SLIT1: variants seen among roughly 807,000 people sequenced by gnomAD.
SLIT1 encodes slit guidance ligand 1, also known as slit homolog 1 protein.
SLIT1 carries 66 observed loss-of-function variants against 186.1 expected under a neutral mutation model. That is an observed-to-expected ratio of 0.35 (90% CI 0.29 to 0.44). The LOEUF (loss-of-function observed/expected upper bound fraction) is 0.44. SLIT1 is among the 20% of genes least tolerant of loss of function. The probability of loss-of-function intolerance (pLI) is 1.00; values close to 1 mark genes in which losing one functional copy is unlikely to be tolerated. For missense variants in SLIT1, 1,638 were observed against 2,037.4 expected (o/e 0.80, Z 3.77); for synonymous variants, 761 against 833.8 (o/e 0.91, Z 1.50).
chr10:97,027,912 G>T, intron 25 of SLIT1, among the ~76,000 whole-genome samples: 1 of 152,160 alleles, frequency 6.6e-6, no homozygotes, highest in Non-Finnish European at 1.5e-5. Context: ...GATACATTAA[G>T]GGGGGGCGGA....
chr10:97,141,136 C>T (rs1010942094), intron 4 of SLIT1, among the ~76,000 whole-genome samples: 10 of 152,188 alleles, frequency 6.6e-5, no homozygotes, highest in Non-Finnish European at 1.5e-4. Flanking sequence ...ACAGCTCCAG[C>T]ACGCAGTTCT....
intron 28 of SLIT1, among the ~76,000 whole-genome samples, chr10:97,015,808 CTT>C (rs1204830511): frequency 2.6e-5 from 4 of 152,050 alleles, no homozygotes; most frequent in Admixed American, 2.6e-4. Flanking sequence ...AAGAAAAAAA[CTT>C]TAAGTTTTAA....
chr10:97,035,297 G>A (rs941110394), intron 22 of SLIT1, among the ~76,000 whole-genome samples: 2 of 152,074 alleles, frequency 1.3e-5, no homozygotes, highest in Admixed American at 1.3e-4. Context: ...GGTGCCCTCG[G>A]GGACGCCCCT....
intron 4 of SLIT1, among the ~76,000 whole-genome samples, chr10:97,100,355 G>A (rs991288138): frequency 6.6e-6 from 1 of 152,172 alleles, no homozygotes; most frequent in African/African-American, 2.4e-5. Flanking sequence ...CGGGTGCAGT[G>A]GCTCATGCCT....
chr10:97,149,533 G>T (rs1463989001), intron 4 of SLIT1, among the ~76,000 whole-genome samples: 1 of 152,060 alleles, frequency 6.6e-6, no homozygotes, highest in African/African-American at 2.4e-5. Flanking sequence ...ATGCCTGACG[G>T]GGAGCAAGGC....
chr10:97,058,095 G>A (rs1180184999), intron 11 of SLIT1: 2 of 716,772 alleles, frequency 2.8e-6, no homozygotes, highest in East Asian at 5.4e-5. Flanking sequence ...CAGGTGACGG[G>A]GCCAGTGTGG....
Position 97,006,380 on chromosome 10 carries a change from C to T in SLIT1, c.3579+103G>A, listed in dbSNP as rs1848359478. The T allele has an allele frequency of 2.6e-6, 2 of 762,150 alleles. No individual in the cohort carries two copies. Among genetic ancestry groups the T allele is most frequent in the Non-Finnish European group, 4.5e-6 (2 of 447,032 alleles). 47.2% of individuals were successfully genotyped at this position (762,150 alleles called of 1,614,324 possible). ...ACGTTTTGATTACACAGAGTCCTTC[C>T]AGTTCCCCAGGCACCATGCAGGGAT... is the stretch of plus-strand genomic sequence containing the variant. On this transcript the variant is annotated intron_variant, in intron 32 of 36. Coordinates refer to ENST00000266058, the MANE Select transcript of SLIT1 (RefSeq NM_003061.3). This position sits in a 1 kb window ranked among gnomAD's most constrained non-coding sequence, Gnocchi z 4.0.
At chr10:97,064,411 C>T (rs987191548) in intron 6 of SLIT1, among the ~76,000 whole-genome samples, 172 bp from the exon 7 acceptor site, 3 of 152,172 alleles carry the variant, frequency 2.0e-5, no homozygotes, top group Admixed American at 1.3e-4. Flanking sequence ...CACAGGAAAG[C>T]CCTGAGCTGG....
chr10:97,057,029 T>C (rs2817675), intron 12 of SLIT1, among the ~76,000 whole-genome samples, 181 bp downstream of exon 12: 93,524 of 152,106 alleles, frequency 0.61, 30,391 homozygotes, highest in East Asian at 0.82. Flanking sequence ...CTCTACCTCC[T>C]TCTCTAGCCT....
intron 4 of SLIT1, among the ~76,000 whole-genome samples, chr10:97,135,814 C>G (rs1194341973): frequency 6.6e-6 from 1 of 152,160 alleles, no homozygotes; most frequent in African/African-American, 2.4e-5. Flanking sequence ...GGAGTGGGTC[C>G]CCTGTTAAAA....
intron 4 of SLIT1, among the ~76,000 whole-genome samples, chr10:97,093,177 T>C (rs559733626): frequency 1.6e-3 from 241 of 152,256 alleles, no homozygotes; most frequent in African/African-American, 5.8e-3. Context: ...ACACAACCTG[T>C]GTTGCAAAGC....
chr10:97,031,632 G>C lies in SLIT1; in HGVS notation c.2484C>G (p.Phe828Leu). Residue 828 changes from phenylalanine (F) to leucine (L), a missense_variant, in exon 24 of 37, where the codon TTC becomes TTG. By Grantham distance (22) the Phe-to-Leu change is conservative. Transcript: ENST00000266058. ...GCAGGCGCAGGGAGCGGAGTCCCTG[G>C]AAGGCCAAAGGCGGGATGCACTGCA... ...NALQCIPPLA[F>L]QGLRSLRLLS... is the part of the protein sequence containing the mutation. 2 of 1,552,232 alleles carry C rather than the reference G, an allele frequency of 1.3e-6. No individual in the cohort carries two copies. Among genetic ancestry groups the C allele is most frequent in the Non-Finnish European group, 1.7e-6 (2 of 1,147,170 alleles).
At chr10:97,073,149 A>G (rs1849015865) in intron 4 of SLIT1, among the ~76,000 whole-genome samples, 2 of 151,908 alleles carry the variant, frequency 1.3e-5, no homozygotes, top group Admixed American at 1.3e-4. Flanking sequence ...CCTTGCCAAT[A>G]CTTGTCTCAT....
chr10:97,128,960 T>G (rs1300971292), intron 4 of SLIT1, among the ~76,000 whole-genome samples: 1 of 152,150 alleles, frequency 6.6e-6, no homozygotes, highest in African/African-American at 2.4e-5. Flanking sequence ...AGTTAGCTAT[T>G]TTATTTTGTA....
chr10:97,167,046 C>T (rs1490539447), intron 1 of SLIT1, among the ~76,000 whole-genome samples: 4 of 152,180 alleles, frequency 2.6e-5, no homozygotes, highest in South Asian at 2.1e-4. Context: ...AAAACTCATT[C>T]CCAGCTCCTC....
intron 1 of SLIT1, among the ~76,000 whole-genome samples, chr10:97,172,556 G>A (rs1850204186): frequency 2.0e-5 from 3 of 152,184 alleles, no homozygotes; most frequent in Admixed American, 2.0e-4. Flanking sequence ...AATAGCATTA[G>A]TTGAGTGGGT....
rs1194592324 is a variant in SLIT1 at position 97,184,719 on chromosome 10, C to T, written c.197+759G>A. On this transcript the variant is annotated intron_variant, in intron 1 of 36. Coordinates refer to ENST00000266058, the MANE Select transcript of SLIT1 (RefSeq NM_003061.3). The surrounding 1 kb of genome is among the most constrained non-coding windows in gnomAD (Gnocchi z 4.4). ...TTTTATTACTTGTCATGGTCAATAT[C>T]TTTAACCTTGGGCCCCCCTCTCCAA... Among the ~76,000 whole-genome samples the T allele has an allele frequency of 6.6e-6, 1 of 152,164 alleles. No individual in the cohort carries two copies. The highest frequency in any genetic ancestry group is 1.5e-5 in the Non-Finnish European group (1 of 68,020).
chr10:97,104,203 C>G (rs560117654), intron 4 of SLIT1, among the ~76,000 whole-genome samples: 2 of 152,094 alleles, frequency 1.3e-5, no homozygotes, highest in South Asian at 4.2e-4. Context: ...GGAGTGAGCC[C>G]CATGGGTGTC....
Position 97,004,794 on chromosome 10 carries a change from A to T in SLIT1, c.3609T>A (p.Leu1203=), listed in dbSNP as rs1284543970. The T allele has an allele frequency of 6.2e-7, 1 of 1,614,068 alleles. No individual in the cohort carries two copies. ...QVSTAEDNGI[L]LYNGDNDHIA... ...TGTGGTCGTTGTCCCCGTTGTACAG[A>T]AGGATCCCATTGTCCTCTGCCGTGG... Residue 1203 remains leucine, a synonymous_variant, in exon 33 of 37, where the codon CTT becomes CTA. Transcript: ENST00000266058. The surrounding 1 kb of genome is among the most constrained non-coding windows in gnomAD (Gnocchi z 5.1).
Sources: gnomAD v4.1 joint callset for allele counts (sites outside exome capture counted in the v4.1 genomes callset) on GRCh38, gnomAD v4.1.1 for gene constraint, Gnocchi (gnomAD v3.1) non-coding constraint, MANE v1.5 for transcripts, NCBI Gene and HGNC (gene_info 2026-07-23, HGNC 2026-07-21) for gene names.